The following UTP25 variants were observed in gnomAD, a reference collection of about 807,000 sequenced individuals.
The protein encoded by UTP25 is UTP25 small subunit processome component.
A neutral mutation model predicts 78.9 loss-of-function variants in UTP25; 50 were observed. The ratio of observed to expected loss-of-function variants is 0.63; its 90% CI spans 0.50 to 0.80. The LOEUF is 0.80. Ranked by LOEUF, UTP25 falls within the 30% of genes least tolerant of loss-of-function variation. The probability of loss-of-function intolerance (pLI) is 0.00; values close to 1 mark genes in which losing one functional copy is unlikely to be tolerated. For missense variants in UTP25, 846 were observed against 911.3 expected, an observed-to-expected ratio of 0.93 and a Z score of 0.92; for synonymous variants, 329 against 336.5, an observed-to-expected ratio of 0.98 and a Z score of 0.24.
chr1:209,841,150 G>A, intron 8 of UTP25, 95 bp downstream of exon 8: 1 of 1,327,882 alleles, frequency 7.5e-7, no homozygotes, highest in Non-Finnish European at 1.0e-6. Flanking sequence ...TTTAAGTCCA[G>A]ATTAGAACTC....
rs200094448 is a variant in UTP25, at chr1:209,830,974, G to T, written c.319G>T (p.Asp107Tyr). The T allele has an allele frequency of 6.2e-7, 1 of 1,614,062 alleles. No individual in the cohort carries two copies. Among genetic ancestry groups the T allele is most frequent in the African/African-American group, 1.3e-5 (1 of 75,048 alleles). Reference sequence around the variant, plus strand: ...TATTGTAGATGATGCAGAAATGAACGATGAAGATGGTGGTAGCGATGTCAG... The same window carrying T: ...TATTGTAGATGATGCAGAAATGAACTATGAAGATGGTGGTAGCGATGTCAG... ...DSIVDDAEMN[D>Y]EDGGSDVSVE... is the part of the protein sequence containing the mutation. Residue 107 changes from aspartate to tyrosine, a missense_variant, in exon 3 of 12, where the codon GAT becomes TAT. By Grantham distance (160) the Asp-to-Tyr change is radical. Transcript: ENST00000491415.
intron 7 of UTP25, 147 bp from the exon 8 acceptor site, chr1:209,840,706 A>G: frequency 1.4e-6 from 1 of 715,290 alleles, no homozygotes; most frequent in East Asian, 2.6e-5. Context: ...TTATGTTTTA[A>G]TAATTAAAGC....
At position 209,843,281 on chromosome 1, in the gene UTP25, C is replaced by T. The variant is rs555057902; in HGVS notation, c.1782-170C>T. 22 of 736,198 alleles carry T rather than the reference C, an allele frequency of 3.0e-5. No homozygotes were observed. In the African/African-American group the frequency reaches 3.4e-4, roughly 11 times the overall value. 45.6% of individuals were successfully genotyped at this position (736,198 alleles called of 1,614,324 possible). A position where few individuals can be genotyped will look rare whatever the true frequency, so the allele number is the denominator to read the frequency against. On this transcript the variant is annotated intron_variant, in intron 10 of 11. Transcript: ENST00000491415. ...TGTTGACACTTATTTTTTTAGTGTG[C>T]TTATCAAGTTTTATCCTTACATAAT...
chr1:209,831,531 T>C (rs2102568075), intron 3 of UTP25, among the ~76,000 whole-genome samples: 1 of 152,364 alleles, frequency 6.6e-6, no homozygotes, highest in Admixed American at 6.5e-5. Flanking sequence ...GGACTCTGTG[T>C]CACTCAGACT....
In UTP25 at chr1:209,842,585, G is replaced by A. The variant is rs1227155935; in HGVS notation, c.1671G>A (p.Val557=). Residue 557 remains valine, a splice_region_variant and synonymous_variant, in exon 10 of 12, where the codon GTG becomes GTA. Coordinates refer to ENST00000491415, the MANE Select transcript of UTP25 (RefSeq NM_014388.7). ...NKYCVNMQGQ[V]AVRNVPMTGS... is the part of the protein sequence containing the mutation. ...ACGCTCTTGTTGACTACTGGCAGGTGGCCGTGAGGAATGTCCCAATGACAG... is the reference window on the plus strand; with the variant it reads ...ACGCTCTTGTTGACTACTGGCAGGTAGCCGTGAGGAATGTCCCAATGACAG... 2.5e-6 allele frequency: 4 copies of A among 1,613,708 alleles called. No homozygotes were observed. The highest frequency in any genetic ancestry group is 3.4e-6 in the Non-Finnish European group (4 of 1,179,898).
chr1:209,848,624 G>A (rs911837815), intron 11 of UTP25, among the ~76,000 whole-genome samples: 3 of 152,082 alleles, frequency 2.0e-5, no homozygotes, highest in Non-Finnish European at 2.9e-5. Context: ...TGTGTCATGC[G>A]TTGCCACTTA....
Position 209,853,486 on chromosome 1 carries a change from A to C in UTP25, c.*2039A>C, listed in dbSNP as rs1222029446. On this transcript the variant is annotated 3_prime_UTR_variant, in exon 12 of 12. Transcript: ENST00000491415. ...ATTCTCGTGCCTCCGCCTCCCAAGT[A>C]GCTGGGACTACAGGCGCATGCCACC... is the stretch of plus-strand genomic sequence containing the variant. The C allele has an allele frequency of 6.6e-6, 1 of 151,806 alleles. No homozygotes were observed. Among genetic ancestry groups the C allele is most frequent in the Non-Finnish European group, 1.5e-5 (1 of 68,068 alleles). The allele number at this position is 151,806 out of a possible 1,614,324, so 9.4% of individuals were successfully genotyped here.
rs139772566 is a variant in UTP25, at chr1:209,838,765, G to A, written c.1063-144G>A. The A allele has an allele frequency of 7.1e-4, 633 of 895,788 alleles. 4 individuals are homozygous for A. In the African/African-American group the frequency reaches 9.3e-3, roughly 13 times the overall value. 55.5% of individuals were successfully genotyped at this position (895,788 alleles called of 1,614,324 possible). A position where few individuals can be genotyped will look rare whatever the true frequency, so the allele number is the denominator to read the frequency against. The stretch of plus-strand genomic sequence containing the variant: ...TTTCTGGTGTTGAGCCAAGCCCTGC[G>A]CAAAGCGGGTAACATAGGTATGTTT... On this transcript the variant is annotated intron_variant, in intron 6 of 11. Transcript: ENST00000491415.
At position 209,841,002 on chromosome 1, in the gene UTP25, CTCA is replaced by C; in HGVS notation, c.1437_1439del (p.Ile480del). 1.9e-6 allele frequency: 3 copies of C among 1,614,072 alleles called. No homozygotes were observed. The highest frequency in any genetic ancestry group is 2.5e-6 in the Non-Finnish European group (3 of 1,179,952). ...TGACTTTCTGTCTTCTATCGAGCTTCTCATCATTGATCAAGCTGACATTTACCT... is the reference window on the plus strand; with the variant it reads ...TGACTTTCTGTCTTCTATCGAGCTTCTCATTGATCAAGCTGACATTTACCT... On this transcript the variant is annotated inframe_deletion, in exon 8 of 12. Transcript: ENST00000491415.
At position 209,850,621 on chromosome 1, in the gene UTP25, A is replaced by G. The variant is rs149327076; in HGVS notation, c.2028-583A>G. On this transcript the variant is annotated intron_variant, in intron 11 of 11. Coordinates refer to ENST00000491415, the MANE Select transcript of UTP25 (RefSeq NM_014388.7). ...CAGGGCGGCACTGTGCAGCTGGGAA[A>G]GAGATGGAAATGCATACGCTGTTGA... 2.3e-3 allele frequency among the ~76,000 whole-genome samples: 347 copies of G among 152,340 alleles called. 1 individual carries two copies. The highest frequency in any genetic ancestry group is 8.1e-3 in the African/African-American group (336 of 41,586).
At chr1:209,843,018 A>G in intron 10 of UTP25, 1 of 349,682 alleles carries the variant, frequency 2.9e-6, no homozygotes, top group Non-Finnish European at 5.2e-6. Context: ...TAAGCCCCTC[A>G]GGGAAAGAAC....
At chr1:209,832,291 T>C (rs1385573822) in intron 3 of UTP25, among the ~76,000 whole-genome samples, 10 of 152,166 alleles carry the variant, frequency 6.6e-5, no homozygotes, top group Admixed American at 6.5e-4. Context: ...TATATGAGTA[T>C]GTATATATAT....
In UTP25 at chr1:209,835,097, C is replaced by A; in HGVS notation, c.585C>A (p.Asn195Lys). ...TAGATCCATTTCTTCAACATGTGAACAAAGAACTGAAAGAAAAAGCAATTC... is the reference window on the plus strand; with the variant it reads ...TAGATCCATTTCTTCAACATGTGAAAAAAGAACTGAAAGAAAAAGCAATTC... ...ASQDPFLQHVNKELKEKAIQA... is the reference protein window; with the variant it reads ...ASQDPFLQHVKKELKEKAIQA... The change falls in exon 5 of 12, where the codon AAC becomes AAA. Residue 195 changes from asparagine (N) to lysine (K), a missense_variant. Transcript: ENST00000491415. The A allele has an allele frequency of 6.2e-7, 1 of 1,613,348 alleles. No individual in the cohort carries two copies. Among genetic ancestry groups the A allele is most frequent in the South Asian group, 1.1e-5 (1 of 91,042 alleles).
rs754744575 is a variant in UTP25, at chr1:209,851,239, A to G, written c.2063A>G (p.Tyr688Cys). 9 of 1,613,886 alleles carry G rather than the reference A, an allele frequency of 5.6e-6. No individual in the cohort carries two copies. Among genetic ancestry groups the G allele is most frequent in the African/African-American group, 2.7e-5 (2 of 74,918 alleles). Residue 688 changes from tyrosine to cysteine, a missense_variant, in exon 12 of 12, where the codon TAT (tyrosine) becomes TGT (cysteine). By Grantham distance (194) the Tyr-to-Cys change is radical. Coordinates refer to ENST00000491415, the MANE Select transcript of UTP25 (RefSeq NM_014388.7). Reference protein sequence around the residue: ...TIKGIRNLIFYELPTYPHFYS... With the variant: ...TIKGIRNLIFCELPTYPHFYS... ...AAAGGCATCAGGAACCTGATTTTCT[A>G]TGAACTGCCGACATATCCACACTTT...
At position 209,838,772 on chromosome 1, in the gene UTP25, G is replaced by A. The variant is rs575335560; in HGVS notation, c.1063-137G>A. 2.8e-5 allele frequency: 26 copies of A among 936,086 alleles called. No individual in the cohort carries two copies. The East Asian group carries it at 2.9e-4, about 10-fold the overall frequency. The allele number at this position is 936,086 out of a possible 1,614,324, so 58.0% of individuals were successfully genotyped here. ...TGTTGAGCCAAGCCCTGCGCAAAGC[G>A]GGTAACATAGGTATGTTTCTTGGCT... On this transcript the variant is annotated intron_variant, in intron 6 of 11. Transcript: ENST00000491415.
chr1:209,830,292 G>A, intron 2 of UTP25, 145 bp downstream of exon 2: 2 of 725,046 alleles, frequency 2.8e-6, no homozygotes, highest in Non-Finnish European at 4.4e-6. Flanking sequence ...AATTTTAAAT[G>A]CAGATGTCTA....
chr1:209,842,112 T>C (rs2078170250), intron 8 of UTP25, among the ~76,000 whole-genome samples, 153 bp from the exon 9 acceptor site: 1 of 152,234 alleles, frequency 6.6e-6, no homozygotes, highest in Non-Finnish European at 1.5e-5. Flanking sequence ...TGGCTGACCA[T>C]GGGCAAGTCA....
In UTP25 at chr1:209,838,892, T is replaced by C; in HGVS notation, c.1063-17T>C. ...CTTCCTCTTACCCCACTAAGGCTGC[T>C]GTTGCTGTCTGCACAGGTACTGATA... On this transcript the variant is annotated splice_polypyrimidine_tract_variant and intron_variant, in intron 6 of 11. Coordinates refer to ENST00000491415, the MANE Select transcript of UTP25 (RefSeq NM_014388.7). 3 of 1,613,678 alleles carry C rather than the reference T, an allele frequency of 1.9e-6. No homozygotes were observed. Among genetic ancestry groups the C allele is most frequent in the Non-Finnish European group, 2.5e-6 (3 of 1,179,612 alleles).
In UTP25 at chr1:209,842,288, A is replaced by G. The variant is rs1308156164; in HGVS notation, c.1509A>G (p.Leu503=). 2.5e-6 allele frequency: 4 copies of G among 1,613,872 alleles called. No individual in the cohort carries two copies. In the East Asian group the frequency reaches 6.7e-5, roughly 27 times the overall value. Residue 503 remains leucine (L), a synonymous_variant, in exon 9 of 12, where the codon CTA becomes CTG. Coordinates refer to ENST00000491415, the MANE Select transcript of UTP25 (RefSeq NM_014388.7). ...HVLHLMNHMN[L]LPLDSHGVDF... ...AGCATTTGATGAATCACATGAACCT[A>G]CTACCCCTGGACTCACATGGGGTAG...
Sources: allele counts gnomAD v4.1 joint callset (sites outside exome capture counted in the v4.1 genomes callset), GRCh38; gene constraint gnomAD v4.1.1; transcripts MANE v1.5; gene names NCBI Gene and HGNC (gene_info 2026-07-23, HGNC 2026-07-21).